Variants in DOCK8 observed in about 807,000 individuals in gnomAD.
DOCK8 encodes the protein dedicator of cytokinesis 8, also known as dedicator of cytokinesis protein 8.
A neutral mutation model predicts 245.6 loss-of-function variants in DOCK8; 141 were observed. The ratio of observed to expected loss-of-function variants is 0.57; its 90% CI spans 0.50 to 0.66. DOCK8 has a LOEUF of 0.66. DOCK8 is among the 30% of genes least tolerant of loss of function. The probability of loss-of-function intolerance (pLI) is 0.00; values close to 1 mark genes in which losing one functional copy is unlikely to be tolerated. For synonymous variants in DOCK8, 1,168 were observed against 970.2 expected (o/e 1.20, Z -3.79); for missense variants, 2,965 against 2,603.4 (o/e 1.14, Z -3.02).
At chr9:462,757 G>C (rs2057845429) in intron 46 of DOCK8, among the ~76,000 whole-genome samples, 2 of 152,194 alleles carry the variant, frequency 1.3e-5, no homozygotes. Context: ...ACTTCCATAT[G>C]TACGTAGCAG....
chr9:383,950 C>G lies in DOCK8; in HGVS notation c.2778+1265C>G, dbSNP rs549510537. 2.5e-3 allele frequency among the ~76,000 whole-genome samples: 375 copies of G among 152,234 alleles called. 4 individuals carry two copies. The highest frequency in any genetic ancestry group is 8.6e-3 in the African/African-American group (358 of 41,556). On this transcript the variant is annotated intron_variant, in intron 22 of 47. Transcript: ENST00000432829. ...TGGTACTTTTGGCACAATTAGTGAA[C>G]CAATATTCATGGAATATTATTCATT...
At chr9:353,146 A>G (rs1193760714) in intron 14 of DOCK8, among the ~76,000 whole-genome samples, 2 of 152,214 alleles carry the variant, frequency 1.3e-5, no homozygotes, top group Admixed American at 6.5e-5. Context: ...ATGCTGATCT[A>G]TGCAATGACA....
At chr9:337,355 A>G (rs574980539) in intron 12 of DOCK8, among the ~76,000 whole-genome samples, 2 of 152,226 alleles carry the variant, frequency 1.3e-5, no homozygotes, top group African/African-American at 4.8e-5. Flanking sequence ...CCTGGAATAC[A>G]GTAAGTGCTC....
chr9:363,155 T>C (rs535092666), intron 14 of DOCK8, among the ~76,000 whole-genome samples: 1 of 152,342 alleles, frequency 6.6e-6, no homozygotes, highest in South Asian at 2.1e-4. Flanking sequence ...TTATCAAATG[T>C]CCAGTTCTCA....
chr9:291,434 T>C (rs1563883163), intron 4 of DOCK8, among the ~76,000 whole-genome samples: 2 of 152,190 alleles, frequency 1.3e-5, no homozygotes, highest in South Asian at 2.1e-4. Flanking sequence ...GTTTTTTTGG[T>C]ATATATTTGC....
intron 4 of DOCK8, among the ~76,000 whole-genome samples, chr9:293,020 G>A (rs1038735796): frequency 6.6e-6 from 1 of 152,172 alleles, no homozygotes; most frequent in Non-Finnish European, 1.5e-5. Context: ...AAAGGAATAT[G>A]TGTTTTAATT....
intron 7 of DOCK8, among the ~76,000 whole-genome samples, chr9:324,477 G>T (rs559316778): frequency 1.3e-5 from 2 of 152,218 alleles, no homozygotes; most frequent in East Asian, 3.9e-4. Flanking sequence ...ATGTGCACCT[G>T]TAATGTCCAC....
chr9:212,012 G>T (rs1235824979), upstream of DOCK8, among the ~76,000 whole-genome samples: 1 of 152,114 alleles, frequency 6.6e-6, no homozygotes, highest in African/African-American at 2.4e-5. Flanking sequence ...CTGGGAAATA[G>T]GCAAAACTTT....
rs1370246937 is a variant in DOCK8 at position 328,299 on chromosome 9, C to T, written c.1044+128C>T. ...CCTCTGAGATTCACTTTGTTTCCTTCTCAGTTTACCCCTTTTCCGTTCTAA... is the reference window on the plus strand; with the variant it reads ...CCTCTGAGATTCACTTTGTTTCCTTTTCAGTTTACCCCTTTTCCGTTCTAA... On this transcript the variant is annotated intron_variant, in intron 9 of 47. Coordinates refer to ENST00000432829, the MANE Select transcript of DOCK8 (RefSeq NM_203447.4). 3.4e-5 allele frequency: 43 copies of T among 1,255,002 alleles called. No individual in the cohort carries two copies. The South Asian group carries it at 5.5e-4, about 16-fold the overall frequency. The allele number at this position is 1,255,002 out of a possible 1,614,324, so 77.7% of individuals were successfully genotyped here. A position where few individuals can be genotyped will look rare whatever the true frequency, so the allele number is the denominator to read the frequency against.
intron 2 of DOCK8, among the ~76,000 whole-genome samples, chr9:280,546 C>T (rs1366831895): frequency 1.3e-5 from 2 of 152,192 alleles, no homozygotes; most frequent in Non-Finnish European, 2.9e-5. Flanking sequence ...CTCCCTTGGG[C>T]ACAAGCTGAA....
In DOCK8 at chr9:233,317, C is replaced by G. The variant is rs1043929636; in HGVS notation, c.53+18288C>G. 2.2e-3 allele frequency among the ~76,000 whole-genome samples: 342 copies of G among 152,138 alleles called. 3 individuals carry two copies. The highest frequency in any genetic ancestry group is 7.3e-3 in the African/African-American group (305 of 41,506). On this transcript the variant is annotated intron_variant, in intron 1 of 47. Transcript: ENST00000432829. ...TTGCTGAGGAGTGCTTTACTGCCAA[C>G]TATGTGGTCAATTTTGGAATAGGTG...
chr9:288,806 C>A (rs902303261), intron 3 of DOCK8, among the ~76,000 whole-genome samples: 3 of 152,222 alleles, frequency 2.0e-5, no homozygotes, highest in African/African-American at 7.2e-5. Context: ...AATATTTTAT[C>A]TAATACTAAC....
chr9:376,355 C>A, intron 19 of DOCK8, 50 bp downstream of exon 19: 1 of 1,248,950 alleles, frequency 8.0e-7, no homozygotes, highest in South Asian at 1.2e-5. Flanking sequence ...GCGGAGGAGC[C>A]TTTGAAGGAC....
chr9:422,782 C>T (rs958529946), intron 33 of DOCK8, among the ~76,000 whole-genome samples: 7 of 151,962 alleles, frequency 4.6e-5, no homozygotes, highest in South Asian at 2.1e-4. Context: ...GTCAGTAGTT[C>T]GAGACTAGCC....
intron 30 of DOCK8, 69 bp downstream of exon 30, chr9:418,276 T>C (rs12352911): frequency 2.5e-6 from 4 of 1,596,658 alleles, no homozygotes; most frequent in African/African-American, 2.7e-5. Context: ...TTGTTTTGTT[T>C]GTTTGTTTGT....
intron 45 of DOCK8, 128 bp downstream of exon 45, chr9:450,055 A>G: frequency 1.9e-6 from 2 of 1,063,758 alleles, no homozygotes; most frequent in Non-Finnish European, 1.4e-6. Context: ...ATGTTCCTAC[A>G]CTTAACCTGA....
intron 19 of DOCK8, among the ~76,000 whole-genome samples, 192 bp downstream of exon 19, chr9:376,497 C>CTA: frequency 6.6e-6 from 1 of 152,146 alleles, no homozygotes; most frequent in East Asian, 1.9e-4. Context: ...ACAAAACCGC[C>CTA]GAGCACCTAA....
At chr9:398,827 T>A (rs1015552127) in intron 25 of DOCK8, among the ~76,000 whole-genome samples, 1 of 151,622 alleles carries the variant, frequency 6.6e-6, no homozygotes, top group African/African-American at 2.4e-5. Flanking sequence ...AAAAAAAAGT[T>A]ACCAGGATAT....
At position 418,200 on chromosome 9, in the gene DOCK8, C is replaced by A. The variant is rs2056114426; in HGVS notation, c.3833C>A (p.Ser1278Tyr). ...FNLKTSGIVL[S>Y]SLPYKQYNML... ...TTGAAAACAAGTGGAATAGTGCTGT[C>A]TTCCTTGGTATGTTGGTGCACATGT... The change falls in exon 30 of 48, where the codon TCT becomes TAT. Residue 1278 changes from serine to tyrosine, a missense_variant. This residue lies in a region of DOCK8 where 2,825 missense variants were observed against 2,453.5 expected (regional missense o/e 1.15). Transcript: ENST00000432829. The A allele has an allele frequency of 6.2e-7, 1 of 1,614,158 alleles. No homozygotes were observed. Among genetic ancestry groups the A allele is most frequent in the Non-Finnish European group, 8.5e-7 (1 of 1,180,016 alleles).
Sources: gnomAD v4.1 joint callset for allele counts (sites outside exome capture counted in the v4.1 genomes callset) on GRCh38, gnomAD v4.1.1 for gene constraint, gnomAD v4.1.1 regional missense constraint, MANE v1.5 for transcripts, NCBI Gene and HGNC (gene_info 2026-07-23, HGNC 2026-07-21) for gene names.